PLD1: variants seen among roughly 807,000 people sequenced by gnomAD.
PLD1 encodes the protein choline phosphatase 1.
Under a neutral mutation model 137.1 loss-of-function variants are expected in PLD1, and 112 were observed. The ratio of observed to expected loss-of-function variants is 0.82; its 90% CI spans 0.70 to 0.96. The LOEUF is 0.96. Among genes scored for constraint, PLD1 ranks in the 40% least tolerant of loss-of-function variants. The probability of loss-of-function intolerance (pLI) is 0.00; values close to 1 mark genes in which losing one functional copy is unlikely to be tolerated. For missense variants in PLD1, 1,321 were observed against 1,342.0 expected, an observed-to-expected ratio of 0.98 and a Z score of 0.24; for synonymous variants, 431 against 454.7, an observed-to-expected ratio of 0.95 and a Z score of 0.66.
intron 23 of PLD1, among the ~76,000 whole-genome samples, chr3:171,628,255 A>C (rs944857349): frequency 2.0e-5 from 3 of 152,362 alleles, no homozygotes; most frequent in Non-Finnish European, 4.4e-5. Context: ...AAACTAGAAA[A>C]TCTAGAAGAA....
intron 1 of PLD1, among the ~76,000 whole-genome samples, chr3:171,758,733 C>A (rs571802134): frequency 6.6e-6 from 1 of 152,182 alleles, no homozygotes; most frequent in Admixed American, 6.5e-5. Context: ...CCAGAGAGAA[C>A]AAAACCAGCT....
Position 171,612,285 on chromosome 3 carries a change from C to T in PLD1, c.2876G>A (p.Cys959Tyr), listed in dbSNP as rs1197277897. Residue 959 changes from cysteine (C) to tyrosine (Y), a missense_variant, in exon 25 of 27, where the codon TGC becomes TAC. Coordinates refer to ENST00000351298, the MANE Select transcript of PLD1 (RefSeq NM_002662.5). This position sits in a 1 kb window ranked among gnomAD's most constrained non-coding sequence, Gnocchi z 4.1. Reference protein sequence around the residue: ...GRFARGLRLQCFRVVLGYLDD... With the variant: ...GRFARGLRLQYFRVVLGYLDD... ...CACACTTTGGCGGACTGACCTAAAGCACTGTAGCCGAAGTCCTCGGGCAAA... is the reference window on the plus strand; with the variant it reads ...CACACTTTGGCGGACTGACCTAAAGTACTGTAGCCGAAGTCCTCGGGCAAA... 6.2e-7 allele frequency: 1 copy of T among 1,613,944 alleles called. No individual in the cohort carries two copies. The highest frequency in any genetic ancestry group is 1.7e-5 in the Admixed American group (1 of 60,024).
chr3:171,784,396 G>A (rs1273623103), intron 1 of PLD1, among the ~76,000 whole-genome samples: 1 of 150,804 alleles, frequency 6.6e-6, no homozygotes, highest in Non-Finnish European at 1.5e-5. Context: ...ACAGTAGCAC[G>A]TGTTCAGGCA....
chr3:171,678,480 T>TA (rs1259630631), intron 16 of PLD1, among the ~76,000 whole-genome samples: 1 of 152,234 alleles, frequency 6.6e-6, no homozygotes, highest in Admixed American at 6.5e-5. Context: ...ACCATTGACT[T>TA]ACGGCTAAAT....
At chr3:171,609,507 A>AACACACACACAC (rs371080467) in intron 25 of PLD1, among the ~76,000 whole-genome samples, 3 of 136,864 alleles carry the variant, frequency 2.2e-5, no homozygotes, top group African/African-American at 5.5e-5. Flanking sequence ...ACATAAAGAA[A>AACACACACACAC]ACACACACAC....
At chr3:171,639,630 T>TATAATATATATTATATTAATATATATTC (rs1560170352) in intron 23 of PLD1, among the ~76,000 whole-genome samples, 1 of 33,674 alleles carries the variant, frequency 3.0e-5, no homozygotes, top group African/African-American at 2.8e-4. Context: ...ATATATATTC[T>TATAATATATATTATATTAATATATATTC]ATATAATATA....
At chr3:171,731,609 G>A (rs949026451) in intron 6 of PLD1, among the ~76,000 whole-genome samples, 45 of 151,914 alleles carry the variant, frequency 3.0e-4, no homozygotes, top group African/African-American at 1.0e-3. Flanking sequence ...GTGAAACCTC[G>A]TCTCTACTAA....
chr3:171,601,222 A>G lies in PLD1; in HGVS notation c.*1856T>C, dbSNP rs1387343207. The G allele has an allele frequency of 6.6e-6, 1 of 152,200 alleles. No homozygotes were observed. Among genetic ancestry groups the G allele is most frequent in the Non-Finnish European group, 1.5e-5 (1 of 68,050 alleles). The allele number at this position is 152,200 out of a possible 1,614,324, so 9.4% of individuals were successfully genotyped here. On this transcript the variant is annotated 3_prime_UTR_variant, in exon 27 of 27. Transcript: ENST00000351298. ...GTTTCCTCATCTATAAAATGGGGAG[A>G]AATTGGATTAAATTACTTATAAGGG...
At chr3:171,723,330 T>C (rs6764285) in intron 8 of PLD1, among the ~76,000 whole-genome samples, 54,827 of 152,030 alleles carry the variant, frequency 0.36, 10,996 homozygotes, top group African/African-American at 0.52. Context: ...GGCTGGATAG[T>C]ACCCCATCAT....
chr3:171,624,606 G>A (rs112387667), intron 23 of PLD1, among the ~76,000 whole-genome samples: 174 of 152,012 alleles, frequency 1.1e-3, no homozygotes, highest in African/African-American at 3.9e-3. Flanking sequence ...ATGTAGTTCC[G>A]TTAGAAGCAT....
chr3:171,764,833 AAG>A (rs1553845794), intron 1 of PLD1, among the ~76,000 whole-genome samples: 10 of 7,672 alleles, frequency 1.3e-3, no homozygotes, highest in Admixed American at 3.2e-3. Flanking sequence ...AAGAGAAAGA[AAG>A]AAAGAAAGAA....
At position 171,603,284 on chromosome 3, in the gene PLD1, T is replaced by C. The variant is rs919812002; in HGVS notation, c.3019A>G (p.Asn1007Asp). 2 of 1,613,748 alleles carry C rather than the reference T, an allele frequency of 1.2e-6. No individual in the cohort carries two copies. Among genetic ancestry groups the C allele is most frequent in the East Asian group, 2.2e-5 (1 of 44,884 alleles). ...TGAATTAAATTGTGTACTTCATCATTGGGAAGGCACCGGAAAACCTGATTA... is the reference window on the plus strand; with the variant it reads ...TGAATTAAATTGTGTACTTCATCATCGGGAAGGCACCGGAAAACCTGATTA... ...IYDKVFRCLP[N>D]DEVHNLIQLR... The change falls in exon 27 of 27, where the codon AAT becomes GAT. Residue 1007 changes from asparagine (N) to aspartate (D), a missense_variant. Coordinates refer to ENST00000351298, the MANE Select transcript of PLD1 (RefSeq NM_002662.5).
intron 8 of PLD1, among the ~76,000 whole-genome samples, chr3:171,720,293 C>CAAAAAAAAAAAA (rs752618596): frequency 2.9e-5 from 2 of 67,916 alleles, no homozygotes; most frequent in African/African-American, 1.2e-4. Context: ...GACCCTGTCT[C>CAAAAAAAAAAAA]AAAAAAAAAA....
rs1268682665 is a variant in PLD1, at chr3:171,737,913, T to G, written c.139A>C (p.Ser47Arg). ...GEEVDYDVSPSDPKIQEVYIP... is the reference protein window; with the variant it reads ...GEEVDYDVSPRDPKIQEVYIP... ...TTACCTTCTTGTATCTTGGGATCGC[T>G]GGGAGACACGTCGTAGTCTACCTCC... Residue 47 changes from serine to arginine, a missense_variant, in exon 2 of 27, where the codon AGC (serine) becomes CGC (arginine). Transcript: ENST00000351298. 2 of 1,613,780 alleles carry G rather than the reference T, an allele frequency of 1.2e-6. No individual in the cohort carries two copies. Among genetic ancestry groups the G allele is most frequent in the Non-Finnish European group, 1.7e-6 (2 of 1,179,932 alleles).
intron 19 of PLD1, among the ~76,000 whole-genome samples, chr3:171,672,287 C>G (rs560464526): frequency 6.6e-6 from 1 of 152,264 alleles, no homozygotes; most frequent in East Asian, 1.9e-4. Flanking sequence ...CTCTCGACAC[C>G]CAAGTGTGCT....
chr3:171,692,319 TG>T lies in PLD1; in HGVS notation c.1338+12del, dbSNP rs779166746. ...AATAAAGAAACATTGGTTATCAAGA[TG>T]AACCTGAATACCTTTATGTTGGGAT... On this transcript the variant is annotated intron_variant, in intron 13 of 26. Transcript: ENST00000351298. The T allele has an allele frequency of 1.7e-6, 2 of 1,177,222 alleles. No individual in the cohort carries two copies. The highest frequency in any genetic ancestry group is 2.5e-6 in the Non-Finnish European group (2 of 786,534). The allele number at this position is 1,177,222 out of a possible 1,614,324, so 72.9% of individuals were successfully genotyped here.
At chr3:171,723,360 A>T (rs915186955) in intron 8 of PLD1, among the ~76,000 whole-genome samples, 2 of 152,094 alleles carry the variant, frequency 1.3e-5, no homozygotes, top group African/African-American at 4.8e-5. Flanking sequence ...CATTTTCTTT[A>T]TCCATTCATC....
At chr3:171,747,465 C>CCT (rs1190913830) in intron 1 of PLD1, among the ~76,000 whole-genome samples, 3 of 148,560 alleles carry the variant, frequency 2.0e-5, no homozygotes, top group Non-Finnish European at 4.5e-5. Context: ...CTCTTCTCTT[C>CCT]CTCTCTTTTT....
At chr3:171,803,098 G>C (rs907415730) in intron 1 of PLD1, among the ~76,000 whole-genome samples, 3 of 152,186 alleles carry the variant, frequency 2.0e-5, no homozygotes, top group Admixed American at 1.3e-4. Context: ...CCAGACTTTG[G>C]AACTACTGTG....
Sources: gnomAD v4.1 joint callset for allele counts (sites outside exome capture counted in the v4.1 genomes callset) on GRCh38, gnomAD v4.1.1 for gene constraint, Gnocchi (gnomAD v3.1) non-coding constraint, MANE v1.5 for transcripts, NCBI Gene and HGNC (gene_info 2026-07-23, HGNC 2026-07-21) for gene names.